Variants in MERTK observed in about 807,000 individuals in gnomAD.
MERTK encodes MER proto-oncogene, tyrosine kinase.
A neutral mutation model predicts 99.3 loss-of-function variants in MERTK; 69 were observed. That is an observed-to-expected ratio of 0.70 (90% CI 0.57 to 0.85). The LOEUF (loss-of-function observed/expected upper bound fraction) is 0.85. MERTK is among the 40% of genes least tolerant of loss of function. The pLI is 0.00. For synonymous variants in MERTK, 426 were observed against 467.6 expected (o/e 0.91, Z 1.15); for missense variants, 1,125 against 1,249.4 (o/e 0.90, Z 1.50).
At chr2:112,018,676 AATTACT>A (rs1248322401) in intron 15 of MERTK, among the ~76,000 whole-genome samples, 3 of 152,136 alleles carry the variant, frequency 2.0e-5, no homozygotes, top group African/African-American at 7.2e-5. Context: ...TAAAACACTT[AATTACT>A]ACATGGAAGT....
At chr2:111,913,818 G>A (rs2104669130) in intron 1 of MERTK, among the ~76,000 whole-genome samples, 1 of 152,298 alleles carries the variant, frequency 6.6e-6, no homozygotes, top group Non-Finnish European at 1.5e-5. Flanking sequence ...CAAAGTGCTA[G>A]GATTACAGGC....
intron 1 of MERTK, among the ~76,000 whole-genome samples, chr2:111,918,962 T>C (rs1392667651): frequency 6.6e-6 from 1 of 152,310 alleles, no homozygotes; most frequent in African/African-American, 2.4e-5. Context: ...AAGCCACAGC[T>C]GAGTCTTGGG....
intron 13 of MERTK, among the ~76,000 whole-genome samples, chr2:112,006,290 C>T (rs1019107977): frequency 6.6e-6 from 1 of 151,724 alleles, no homozygotes; most frequent in African/African-American, 2.4e-5. Flanking sequence ...ATGTAATACT[C>T]ACTGTTAGCC....
intron 13 of MERTK, among the ~76,000 whole-genome samples, chr2:112,004,991 T>C (rs1356525661): frequency 6.6e-6 from 1 of 152,162 alleles, no homozygotes; most frequent in African/African-American, 2.4e-5. Flanking sequence ...GAGAACAAAT[T>C]ACAGTGTTGA....
At chr2:111,935,353 C>T (rs1376663356) in intron 2 of MERTK, among the ~76,000 whole-genome samples, 4 of 152,128 alleles carry the variant, frequency 2.6e-5, no homozygotes, top group African/African-American at 4.8e-5. Flanking sequence ...GGTGCGGCAG[C>T]GCTAAGGTAC....
chr2:112,007,592 G>A (rs922874417), intron 13 of MERTK, among the ~76,000 whole-genome samples: 1 of 152,058 alleles, frequency 6.6e-6, no homozygotes, highest in Non-Finnish European at 1.5e-5. Context: ...TCATGTAAGT[G>A]GAATCATAGA....
chr2:111,968,139 A>G lies in MERTK; in HGVS notation c.847A>G (p.Ile283Val), dbSNP rs1685394273. The G allele has an allele frequency of 2.5e-6, 4 of 1,609,400 alleles. No individual in the cohort carries two copies. Among genetic ancestry groups the G allele is most frequent in the Admixed American group, 1.7e-5 (1 of 59,918 alleles). The change falls in exon 6 of 19, where the codon ATT becomes GTT. Residue 283 changes from isoleucine to valine, a missense_variant and splice_region_variant. By Grantham distance (29) the Ile-to-Val change is conservative. Transcript: ENST00000295408. The stretch of plus-strand genomic sequence containing the variant: ...TGTGTGTGTTTTGTTTTATGCAGCA[A>G]TTCCCTCCCCACCAACTGAAGTCAG... ...SKGVQINIKA[I>V]PSPPTEVSIR...
At chr2:111,961,490 A>G (rs1192748890) in intron 4 of MERTK, among the ~76,000 whole-genome samples, 1 of 152,144 alleles carries the variant, frequency 6.6e-6, no homozygotes, top group Non-Finnish European at 1.5e-5. Flanking sequence ...TAATTAAGCA[A>G]TCCAGCTTAG....
chr2:111,939,277 TA>T (rs548270123), intron 2 of MERTK, among the ~76,000 whole-genome samples: 122 of 152,136 alleles, frequency 8.0e-4, no homozygotes, highest in Middle Eastern at 6.8e-3. Context: ...CCTCTTCTTA[TA>T]AAGCTGCCAG....
At chr2:111,943,394 C>G (rs940219327) in intron 2 of MERTK, among the ~76,000 whole-genome samples, 2 of 152,092 alleles carry the variant, frequency 1.3e-5, no homozygotes, top group Admixed American at 6.5e-5. Flanking sequence ...TGTTCCCCGG[C>G]TGAGAACGGT....
intron 8 of MERTK, among the ~76,000 whole-genome samples, chr2:111,992,276 G>A (rs924307943): frequency 2.0e-5 from 3 of 152,024 alleles, no homozygotes; most frequent in African/African-American, 4.8e-5. Context: ...TGTCAATCAC[G>A]CCTATCCAAT....
intron 1 of MERTK, among the ~76,000 whole-genome samples, chr2:111,916,503 G>A (rs553693869): frequency 6.6e-6 from 1 of 151,898 alleles, no homozygotes; most frequent in East Asian, 1.9e-4. Context: ...TATCCATTGA[G>A]TTTTTAAATT....
At chr2:111,931,486 G>A (rs1005164317) in intron 2 of MERTK, among the ~76,000 whole-genome samples, 2 of 152,170 alleles carry the variant, frequency 1.3e-5, no homozygotes, top group African/African-American at 2.4e-5. Context: ...AAGAGATCGA[G>A]ACCATCCTGG....
chr2:112,008,984 G>C (rs1420265629), intron 14 of MERTK, among the ~76,000 whole-genome samples: 2 of 152,134 alleles, frequency 1.3e-5, no homozygotes, highest in African/African-American at 4.8e-5. Context: ...AACGTAATTT[G>C]GCTTTGCAGC....
At chr2:112,016,254 A>G (rs1489472512) in intron 15 of MERTK, among the ~76,000 whole-genome samples, 1 of 152,218 alleles carries the variant, frequency 6.6e-6, no homozygotes, top group Non-Finnish European at 1.5e-5. Flanking sequence ...AAACAAGTAC[A>G]CAACATTTTA....
intron 17 of MERTK, among the ~76,000 whole-genome samples, chr2:112,021,942 G>A (rs1432255879): frequency 6.6e-6 from 1 of 152,094 alleles, no homozygotes; most frequent in Non-Finnish European, 1.5e-5. Flanking sequence ...GAAAGGTGCT[G>A]TGTAATTACG....
At chr2:111,949,085 A>G (rs995635100) in intron 4 of MERTK, among the ~76,000 whole-genome samples, 5 of 151,800 alleles carry the variant, frequency 3.3e-5, no homozygotes, top group Non-Finnish European at 5.9e-5. Context: ...GTGTTCTTCC[A>G]TCGGCCCTTT....
At chr2:111,974,769 C>CAAAAAAAAAAAAAAAAAAA (rs35594851) in intron 6 of MERTK, among the ~76,000 whole-genome samples, 6 of 53,320 alleles carry the variant, frequency 1.1e-4, no homozygotes, top group Admixed American at 2.8e-4. Flanking sequence ...AGGTCCATCT[C>CAAAAAAAAAAAAAAAAAAA]AAAAAAAAAA....
intron 4 of MERTK, among the ~76,000 whole-genome samples, chr2:111,962,893 A>G (rs1015537294): frequency 1.3e-5 from 2 of 152,172 alleles, no homozygotes; most frequent in African/African-American, 4.8e-5. Context: ...TTTTAGGTGG[A>G]ACGAGAGACT....
Sources: allele counts gnomAD v4.1 joint callset (sites outside exome capture counted in the v4.1 genomes callset), GRCh38; gene constraint gnomAD v4.1.1; transcripts MANE v1.5; gene names NCBI Gene and HGNC (gene_info 2026-07-23, HGNC 2026-07-21).